Variants in CAMKMT observed in about 807,000 individuals in gnomAD.
CAMKMT encodes the protein CaM KMT.
A neutral mutation model predicts 48.0 loss-of-function variants in CAMKMT; 53 were observed. The ratio of observed to expected loss-of-function variants is 1.10; its 90% confidence interval spans 0.89 to 1.39. CAMKMT has a LOEUF of 1.39. Among genes scored for constraint, CAMKMT ranks in the 40% most tolerant of loss-of-function variants. The pLI is 0.00. For missense variants in CAMKMT, 428 were observed against 402.7 expected (o/e 1.06, Z -0.54); for synonymous variants, 165 against 152.3 (o/e 1.08, Z -0.61).
intron 3 of CAMKMT, among the ~76,000 whole-genome samples, chr2:44,463,369 G>T (rs550780949): frequency 7.2e-5 from 11 of 152,214 alleles, no homozygotes; most frequent in Non-Finnish European, 1.3e-4. Flanking sequence ...TCTATTGAAA[G>T]AGATAAGACA....
At chr2:44,378,504 G>T (rs1297647548) in intron 2 of CAMKMT, among the ~76,000 whole-genome samples, 1 of 110,714 alleles carries the variant, frequency 9.0e-6, no homozygotes, top group Non-Finnish European at 2.1e-5. Context: ...TTGTTTGTTT[G>T]TTTGTTTTGA....
At chr2:44,364,185 T>TA (rs1678348971) in intron 1 of CAMKMT, among the ~76,000 whole-genome samples, 1 of 152,080 alleles carries the variant, frequency 6.6e-6, no homozygotes, top group Admixed American at 6.6e-5. Flanking sequence ...CTACAGCACT[T>TA]ATGTTCATTC....
intron 3 of CAMKMT, among the ~76,000 whole-genome samples, chr2:44,673,524 G>GGAGGGAAGGAA (rs1558786891): frequency 5.3e-4 from 31 of 58,296 alleles, no homozygotes; most frequent in African/African-American, 2.0e-3. Context: ...GAAGGAAGGA[G>GGAGGGAAGGAA]GGAAGGAAGA....
rs183818851 is a variant in CAMKMT, at chr2:44,550,955, A to G, written c.377-153328A>G. On this transcript the variant is annotated intron_variant, in intron 3 of 10. Transcript: ENST00000378494. Reference sequence around the variant, plus strand: ...ACAACTCATTCATGAATGTCCATCTACCTAAACTTCTGTACACAATATATG... The same window carrying G: ...ACAACTCATTCATGAATGTCCATCTGCCTAAACTTCTGTACACAATATATG... Among the ~76,000 whole-genome samples, 228 of 152,246 alleles carry G rather than the reference A, an allele frequency of 1.5e-3. 1 individual carries two copies. The highest frequency in any genetic ancestry group is 5.3e-3 in the African/African-American group (220 of 41,550).
In CAMKMT at chr2:44,766,546, A is replaced by C. The variant is rs1409023737; in HGVS notation, c.879A>C (p.Ser293=). 6.2e-7 allele frequency: 1 copy of C among 1,614,034 alleles called. No individual in the cohort carries two copies. Among genetic ancestry groups the C allele is most frequent in the Non-Finnish European group, 8.5e-7 (1 of 1,180,000 alleles). The change falls in exon 10 of 11, where the codon TCA becomes TCC. Residue 293 remains serine (S), a synonymous_variant. Coordinates refer to ENST00000378494, the MANE Select transcript of CAMKMT (RefSeq NM_024766.5). ...ATGAAAATTATGATGAACACATTTC[A>C]AACTTCCACTCCAAGGTTAGTTTTC... ...QRHENYDEHI[S]NFHSKLKKEN...
At chr2:44,660,274 T>C (rs1674608931) in intron 3 of CAMKMT, among the ~76,000 whole-genome samples, 1 of 152,194 alleles carries the variant, frequency 6.6e-6, no homozygotes, top group Non-Finnish European at 1.5e-5. Flanking sequence ...TGTGGCCTCA[T>C]GTGAGAATGA....
chr2:44,467,925 G>A (rs1223506811), intron 3 of CAMKMT, among the ~76,000 whole-genome samples: 1 of 152,106 alleles, frequency 6.6e-6, no homozygotes, highest in Non-Finnish European at 1.5e-5. Context: ...TGGGAGAAAT[G>A]CTTCAGGGCA....
At chr2:44,564,121 A>G (rs1482646876) in intron 3 of CAMKMT, among the ~76,000 whole-genome samples, 1 of 151,758 alleles carries the variant, frequency 6.6e-6, no homozygotes, top group Non-Finnish European at 1.5e-5. Context: ...ATTTAGAGTC[A>G]TTAGTTTCAT....
chr2:44,724,772 G>T (rs184494505), intron 7 of CAMKMT, among the ~76,000 whole-genome samples: 1 of 152,242 alleles, frequency 6.6e-6, no homozygotes, highest in East Asian at 1.9e-4. Flanking sequence ...ATTCTGATTC[G>T]TTTCTTGTCT....
At chr2:44,711,848 G>C (rs1416717985) in intron 6 of CAMKMT, among the ~76,000 whole-genome samples, 1 of 152,166 alleles carries the variant, frequency 6.6e-6, no homozygotes, top group African/African-American at 2.4e-5. Context: ...GGAGCTCAGA[G>C]AGATTAATTT....
intron 3 of CAMKMT, among the ~76,000 whole-genome samples, chr2:44,545,905 A>G (rs552701557): frequency 2.6e-5 from 4 of 152,210 alleles, no homozygotes; most frequent in African/African-American, 9.6e-5. Context: ...AAACAAGTCT[A>G]CAGTGATCCT....
chr2:44,443,826 C>G (rs1171357444), intron 3 of CAMKMT, among the ~76,000 whole-genome samples: 4 of 152,134 alleles, frequency 2.6e-5, no homozygotes, highest in African/African-American at 9.7e-5. Flanking sequence ...CCGTTCTCAC[C>G]TCATATGTAT....
intron 3 of CAMKMT, among the ~76,000 whole-genome samples, chr2:44,689,507 C>A (rs1676523922): frequency 6.6e-6 from 1 of 152,052 alleles, no homozygotes; most frequent in Admixed American, 6.6e-5. Context: ...GACACTCAAG[C>A]ACAGCAGGGC....
intron 3 of CAMKMT, among the ~76,000 whole-genome samples, chr2:44,469,581 C>T (rs1170822242): frequency 6.6e-6 from 1 of 151,836 alleles, no homozygotes; most frequent in East Asian, 1.9e-4. Flanking sequence ...TTATATGTTA[C>T]TTTATCTCAT....
chr2:44,566,130 A>C (rs75961006), intron 3 of CAMKMT, among the ~76,000 whole-genome samples: 133 of 152,346 alleles, frequency 8.7e-4, no homozygotes, highest in African/African-American at 3.0e-3. Context: ...GAAGACTGGC[A>C]CATCTCCATA....
chr2:44,707,415 A>ACC lies in CAMKMT; in HGVS notation c.509_510insCC (p.Val171LeufsTer7). ...TTTTTTCAGGTTGCTATTTCTGCAG[A>ACC]TGTCAAAGAAGTTCTGTTAACTGAT... On this transcript the variant is annotated frameshift_variant, in exon 6 of 11. Transcript: ENST00000378494. LOFTEE classifies it high-confidence loss of function. 3.7e-6 allele frequency: 6 copies of ACC among 1,612,138 alleles called. No individual in the cohort carries two copies. The highest frequency in any genetic ancestry group is 3.4e-6 in the Non-Finnish European group (4 of 1,179,138).
chr2:44,374,590 T>C (rs1679494136), intron 2 of CAMKMT, among the ~76,000 whole-genome samples: 1 of 152,204 alleles, frequency 6.6e-6, no homozygotes, highest in African/African-American at 2.4e-5. Context: ...TGAAATAGTC[T>C]CTTCTTGAGA....
intron 3 of CAMKMT, among the ~76,000 whole-genome samples, chr2:44,681,202 C>G (rs1676001818): frequency 1.3e-5 from 2 of 152,138 alleles, no homozygotes; most frequent in African/African-American, 4.8e-5. Context: ...TAAAGAGAAT[C>G]AAATTCCAGT....
chr2:44,639,625 G>A (rs1476757676), intron 3 of CAMKMT, among the ~76,000 whole-genome samples: 1 of 152,210 alleles, frequency 6.6e-6, no homozygotes, highest in African/African-American at 2.4e-5. Context: ...AGCAGTAGCA[G>A]TGGGTGGTTT....
Sources: gnomAD v4.1 joint callset for allele counts (sites outside exome capture counted in the v4.1 genomes callset) on GRCh38, gnomAD v4.1.1 for gene constraint, MANE v1.5 for transcripts, NCBI Gene and HGNC (gene_info 2026-07-23, HGNC 2026-07-21) for gene names.